The following GNPAT variants were observed in gnomAD, a reference collection of about 807,000 sequenced individuals.
The protein encoded by GNPAT is glyceronephosphate O-acyltransferase.
In GNPAT, 30 loss-of-function variants were observed where a neutral mutation model predicts 78.4. That is an observed-to-expected ratio of 0.38 (90% CI 0.29 to 0.52). The LOEUF (loss-of-function observed/expected upper bound fraction) is 0.52, where lower values mean the gene tolerates loss of function less well. Among genes scored for constraint, GNPAT ranks in the 20% least tolerant of loss-of-function variants. The pLI, the probability that GNPAT is intolerant of heterozygous loss-of-function variation, is 0.84. For synonymous variants in GNPAT, 271 were observed against 281.1 expected (o/e 0.96, Z 0.36); for missense variants, 714 against 812.2 (o/e 0.88, Z 1.47).
At chr1:231,260,911 C>T (rs1685206727) in intron 3 of GNPAT, among the ~76,000 whole-genome samples, 1 of 152,112 alleles carries the variant, frequency 6.6e-6, no homozygotes, top group South Asian at 2.1e-4. Flanking sequence ...TAACTGCAGA[C>T]CTACAGGCTT....
At chr1:231,261,283 CTT>C (rs1437283300) in intron 3 of GNPAT, among the ~76,000 whole-genome samples, 1 of 151,854 alleles carries the variant, frequency 6.6e-6, no homozygotes, top group South Asian at 2.1e-4. Flanking sequence ...ATATTAGACT[CTT>C]TTAATCTAAA....
chr1:231,260,782 C>G (rs143520932), intron 3 of GNPAT, 99 bp downstream of exon 3: 1 of 833,580 alleles, frequency 1.2e-6, no homozygotes, highest in African/African-American at 1.7e-5. Context: ...ACAATTTAAT[C>G]AACTCAAGGA....
At chr1:231,250,917 T>G (rs985301572) in intron 1 of GNPAT, 44 bp from the exon 2 acceptor site, 4 of 1,267,604 alleles carry the variant, frequency 3.2e-6, no homozygotes, top group Non-Finnish European at 4.6e-6. Flanking sequence ...CTGTCCTGAT[T>G]TATTTTACAG....
chr1:231,244,839 C>G (rs937080756), intron 1 of GNPAT, among the ~76,000 whole-genome samples: 5 of 152,170 alleles, frequency 3.3e-5, no homozygotes, highest in African/African-American at 1.2e-4. Context: ...GATGGGTAAC[C>G]ACTGGTGTGC....
At chr1:231,245,346 G>A (rs1243131490) in intron 1 of GNPAT, among the ~76,000 whole-genome samples, 1 of 152,080 alleles carries the variant, frequency 6.6e-6, no homozygotes, top group African/African-American at 2.4e-5. Context: ...TTGAGCTCAA[G>A]TGATCCTCCC....
Position 231,241,331 on chromosome 1 carries a change from A to G in GNPAT, c.-48A>G, listed in dbSNP as rs748567531. 10 of 1,519,814 alleles carry G rather than the reference A, an allele frequency of 6.6e-6. No homozygotes were observed. Among genetic ancestry groups the G allele is most frequent in the South Asian group, 1.1e-5 (1 of 89,182 alleles). The allele number at this position is 1,519,814 out of a possible 1,614,324, so 94.1% of individuals were successfully genotyped here. On this transcript the variant is annotated 5_prime_UTR_variant, in exon 1 of 16. Transcript: ENST00000366647. ...AACCGCCCCCAGCAGGAGCACCACC[A>G]CGGCTTAGCAAAGAATCCCAGACCC...
intron 1 of GNPAT, 68 bp downstream of exon 1, chr1:231,241,524 T>C: frequency 8.6e-7 from 1 of 1,156,442 alleles, no homozygotes; most frequent in Non-Finnish European, 1.3e-6. Flanking sequence ...TCCCAGTCCC[T>C]ATTCCTCCGG....
chr1:231,274,357 C>G (rs1276056591), intron 12 of GNPAT, among the ~76,000 whole-genome samples: 1 of 152,204 alleles, frequency 6.6e-6, no homozygotes, highest in Non-Finnish European at 1.5e-5. Flanking sequence ...CATACTGTGT[C>G]TCATGTCTTA....
chr1:231,273,448 T>C (rs1273439872), intron 11 of GNPAT, among the ~76,000 whole-genome samples: 1 of 152,060 alleles, frequency 6.6e-6, no homozygotes, highest in Non-Finnish European at 1.5e-5. Flanking sequence ...AGACGGGGTT[T>C]CACTGTGTTA....
intron 1 of GNPAT, among the ~76,000 whole-genome samples, chr1:231,245,236 T>A (rs1487485228): frequency 6.6e-6 from 1 of 152,114 alleles, no homozygotes; most frequent in Non-Finnish European, 1.5e-5. Context: ...TGTTGTTAAT[T>A]TTTGGCTTTT....
chr1:231,251,484 C>A (rs1049441254), intron 2 of GNPAT, among the ~76,000 whole-genome samples: 2 of 151,834 alleles, frequency 1.3e-5, no homozygotes, highest in Admixed American at 1.3e-4. Flanking sequence ...TTTAATGAGG[C>A]CTAAAAGATA....
chr1:231,257,915 C>T (rs1685110445), intron 2 of GNPAT, among the ~76,000 whole-genome samples: 1 of 152,198 alleles, frequency 6.6e-6, no homozygotes, highest in South Asian at 2.1e-4. Context: ...GGCCCCACCA[C>T]CCATTCTGTT....
At chr1:231,252,327 A>G (rs1036252300) in intron 2 of GNPAT, among the ~76,000 whole-genome samples, 3 of 152,228 alleles carry the variant, frequency 2.0e-5, no homozygotes, top group African/African-American at 7.2e-5. Context: ...TGATAAAGCC[A>G]TTCACTGAAA....
chr1:231,272,904 G>A (rs1318450442), intron 11 of GNPAT, among the ~76,000 whole-genome samples: 3 of 152,178 alleles, frequency 2.0e-5, no homozygotes, highest in Non-Finnish European at 4.4e-5. Flanking sequence ...GAACCCGGGA[G>A]GTGGAGGTTG....
rs994674881 is a variant in GNPAT at position 231,274,814 on chromosome 1, A to G, written c.1744-407A>G. On this transcript the variant is annotated intron_variant, in intron 12 of 15. Coordinates refer to ENST00000366647, the MANE Select transcript of GNPAT (RefSeq NM_014236.4). Reference sequence around the variant, plus strand: ...TTGATAAATGCTAGTTCTACCCTTAATCACTGTTCTACAGTAGAAATCATC... The same window carrying G: ...TTGATAAATGCTAGTTCTACCCTTAGTCACTGTTCTACAGTAGAAATCATC... The G allele has an allele frequency of 1.2e-5, 3 of 257,820 alleles. No homozygotes were observed. The Admixed American group carries it at 1.6e-4, about 13-fold the overall frequency. 16.0% of individuals were successfully genotyped at this position (257,820 alleles called of 1,614,324 possible).
chr1:231,254,684 G>C (rs563577338), intron 2 of GNPAT, among the ~76,000 whole-genome samples: 3 of 151,058 alleles, frequency 2.0e-5, no homozygotes, highest in African/African-American at 7.3e-5. Flanking sequence ...TCCTGACCTC[G>C]TGATCCACCC....
At chr1:231,268,725 G>T (rs1571953193) in intron 9 of GNPAT, among the ~76,000 whole-genome samples, 1 of 151,392 alleles carries the variant, frequency 6.6e-6, no homozygotes. Flanking sequence ...GACCAACATG[G>T]TGAAACTCCG....
intron 9 of GNPAT, chr1:231,269,888 C>T (rs1357248631): frequency 1.3e-5 from 2 of 152,118 alleles, no homozygotes; most frequent in Non-Finnish European, 2.9e-5. Flanking sequence ...TAAGCATGTT[C>T]ATATCTCAAG....
chr1:231,272,438 T>A, intron 11 of GNPAT, 47 bp downstream of exon 11: 1 of 987,260 alleles, frequency 1.0e-6, no homozygotes, highest in Non-Finnish European at 1.6e-6. Context: ...GTGTGAGTTC[T>A]AGAAATGTTA....
Sources: allele counts gnomAD v4.1 joint callset (sites outside exome capture counted in the v4.1 genomes callset), GRCh38; gene constraint gnomAD v4.1.1; transcripts MANE v1.5; gene names NCBI Gene and HGNC (gene_info 2026-07-23, HGNC 2026-07-21).